The following RNFT2 variants were observed in gnomAD, a reference collection of about 807,000 sequenced individuals.
RNFT2 encodes the protein ring finger protein, transmembrane 2, also known as E3 ubiquitin-protein ligase RNFT2.
A neutral mutation model predicts 53.0 loss-of-function variants in RNFT2; 36 were observed. That is an observed-to-expected ratio of 0.68 (90% CI 0.52 to 0.90). The LOEUF (loss-of-function observed/expected upper bound fraction) is 0.90, where lower values mean the gene tolerates loss of function less well. Among genes scored for constraint, RNFT2 ranks in the 40% least tolerant of loss-of-function variants. The pLI, the probability that RNFT2 is intolerant of heterozygous loss-of-function variation, is 0.00. For synonymous variants in RNFT2, 260 were observed against 253.2 expected (o/e 1.03, Z -0.26); for missense variants, 514 against 585.6 (o/e 0.88, Z 1.26).
At chr12:116,826,501 A>G (rs1196058277) in intron 7 of RNFT2, among the ~76,000 whole-genome samples, 1 of 152,182 alleles carries the variant, frequency 6.6e-6, no homozygotes, top group Non-Finnish European at 1.5e-5. Flanking sequence ...AGAAACCTGG[A>G]ATTATAAAAC....
chr12:116,773,928 C>T (rs1424215809), intron 6 of RNFT2, among the ~76,000 whole-genome samples: 1 of 152,076 alleles, frequency 6.6e-6, no homozygotes, highest in East Asian at 1.9e-4. Context: ...GGATAAACAC[C>T]CTGCGGTATG....
At chr12:116,837,180 A>G (rs1272401058) in intron 10 of RNFT2, among the ~76,000 whole-genome samples, 10 of 152,252 alleles carry the variant, frequency 6.6e-5, no homozygotes, top group Middle Eastern at 3.4e-3. Flanking sequence ...TCCTGACATC[A>G]GGGACTAGGT....
intron 7 of RNFT2, among the ~76,000 whole-genome samples, chr12:116,813,413 T>C (rs1592974211): frequency 6.6e-6 from 1 of 152,308 alleles, no homozygotes; most frequent in East Asian, 1.9e-4. Context: ...TTCCCTGTGC[T>C]AGGAACACTG....
chr12:116,748,483 A>G (rs1481427715), intron 3 of RNFT2, among the ~76,000 whole-genome samples: 2 of 152,216 alleles, frequency 1.3e-5, no homozygotes, highest in East Asian at 1.9e-4. Flanking sequence ...TGCAAAACGT[A>G]TTTTAAATTT....
At chr12:116,826,054 CCT>C (rs796909919) in intron 7 of RNFT2, among the ~76,000 whole-genome samples, 41 of 152,130 alleles carry the variant, frequency 2.7e-4, no homozygotes, top group African/African-American at 8.4e-4. Flanking sequence ...CTTGATTATG[CCT>C]CTCCTCCCTT....
At chr12:116,808,236 A>G (rs10774889) in intron 7 of RNFT2, among the ~76,000 whole-genome samples, 140,826 of 152,158 alleles carry the variant, frequency 0.93, 65,214 homozygotes, top group East Asian at 0.94. Context: ...AAGTGCTCGT[A>G]AGCCACCACA....
At chr12:116,826,335 G>C (rs779979302) in intron 7 of RNFT2, among the ~76,000 whole-genome samples, 1 of 151,770 alleles carries the variant, frequency 6.6e-6, no homozygotes, top group Non-Finnish European at 1.5e-5. Context: ...GCAGAGAACC[G>C]TCCATGCCCA....
At chr12:116,792,723 C>T (rs1162275454) in intron 7 of RNFT2, among the ~76,000 whole-genome samples, 1 of 152,086 alleles carries the variant, frequency 6.6e-6, no homozygotes, top group East Asian at 1.9e-4. Flanking sequence ...TCTCCCGAAT[C>T]CTCATCAATC....
In RNFT2 at chr12:116,758,041, T is replaced by C. The variant is rs145329004; in HGVS notation, c.627+3981T>C. On this transcript the variant is annotated intron_variant, in intron 5 of 10. Coordinates refer to ENST00000257575, the MANE Select transcript of RNFT2 (RefSeq NM_001382266.1). ...GCATATATATTTAGAATTGTGATAT[T>C]TTCCTGTTGGACAAGGCCTTTTACC... 2.0e-3 allele frequency among the ~76,000 whole-genome samples: 308 copies of C among 152,318 alleles called. 3 individuals are homozygous for C. The highest frequency in any genetic ancestry group is 7.0e-3 in the African/African-American group (292 of 41,568).
intron 7 of RNFT2, among the ~76,000 whole-genome samples, chr12:116,809,750 G>A (rs7131700): frequency 0.019 from 2,913 of 152,140 alleles, 51 homozygotes; most frequent in Middle Eastern, 0.034. Flanking sequence ...TCAGCTCACT[G>A]CAACCTCCAC....
chr12:116,850,865 T>C lies in RNFT2; in HGVS notation c.*1417T>C, dbSNP rs1046699161. ...CCAGGCTGGCCTCAAACTCCTGACC[T>C]CAAGTGATCCACCTGCCTCAGCCTC... On this transcript the variant is annotated 3_prime_UTR_variant, in exon 11 of 11. Coordinates refer to ENST00000257575, the MANE Select transcript of RNFT2 (RefSeq NM_001382266.1). The C allele has an allele frequency of 6.6e-6, 1 of 151,984 alleles. No individual in the cohort carries two copies. Among genetic ancestry groups the C allele is most frequent in the Non-Finnish European group, 1.5e-5 (1 of 68,008 alleles). The allele number at this position is 151,984 out of a possible 1,614,324, so 9.4% of individuals were successfully genotyped here.
intron 4 of RNFT2, among the ~76,000 whole-genome samples, chr12:116,753,243 T>C (rs1872340615): frequency 7.0e-6 from 1 of 141,900 alleles, no homozygotes; most frequent in Non-Finnish European, 1.5e-5. Flanking sequence ...CTCCCCATCC[T>C]GGGTTCAAGC....
At chr12:116,824,283 C>T (rs946130519) in intron 7 of RNFT2, among the ~76,000 whole-genome samples, 7 of 152,186 alleles carry the variant, frequency 4.6e-5, no homozygotes. Flanking sequence ...TTTCAAAGCA[C>T]AAGGCCATTT....
At chr12:116,793,552 C>T (rs1874352400) in intron 7 of RNFT2, among the ~76,000 whole-genome samples, 1 of 152,150 alleles carries the variant, frequency 6.6e-6, no homozygotes, top group South Asian at 2.1e-4. Flanking sequence ...TCCACCTCTC[C>T]GACATCATCA....
chr12:116,753,440 T>G (rs908627173), intron 4 of RNFT2, among the ~76,000 whole-genome samples: 1 of 152,190 alleles, frequency 6.6e-6, no homozygotes, highest in Non-Finnish European at 1.5e-5. Context: ...TGTGTGCCAC[T>G]GCACCCAGCG....
intron 10 of RNFT2, among the ~76,000 whole-genome samples, chr12:116,845,680 C>T (rs947604669): frequency 1.1e-4 from 16 of 152,004 alleles, no homozygotes; most frequent in Admixed American, 9.2e-4. Context: ...GTAATGGGTG[C>T]CATAGTGGGA....
intron 3 of RNFT2, among the ~76,000 whole-genome samples, chr12:116,743,956 G>T (rs1871770612): frequency 6.6e-6 from 1 of 152,174 alleles, no homozygotes; most frequent in Admixed American, 6.5e-5. Context: ...GCCAGGCATG[G>T]TGGCTTATGC....
At chr12:116,841,956 TATAGAGAGAGAG>T (rs1565876280) in intron 10 of RNFT2, among the ~76,000 whole-genome samples, 173 of 17,220 alleles carry the variant, frequency 0.01, 7 homozygotes, top group Admixed American at 0.025. Flanking sequence ...TAAATATATA[TATAGAGAGAGAG>T]AGAGAGAGAG....
intron 10 of RNFT2, among the ~76,000 whole-genome samples, chr12:116,842,551 CTTTAT>C (rs1877402466): frequency 6.7e-6 from 1 of 149,256 alleles, no homozygotes; most frequent in East Asian, 2.0e-4. Context: ...CATGTTCCTA[CTTTAT>C]TTTATTTATT....
Sources: allele counts gnomAD v4.1 joint callset (sites outside exome capture counted in the v4.1 genomes callset), GRCh38; gene constraint gnomAD v4.1.1; transcripts MANE v1.5; gene names NCBI Gene and HGNC (gene_info 2026-07-23, HGNC 2026-07-21).